SLC35A1: variants seen among roughly 807,000 people sequenced by gnomAD.
SLC35A1 encodes the protein solute carrier family 35 member A1.
Under a neutral mutation model 40.3 loss-of-function variants are expected in SLC35A1, and 21 were observed. That is an observed-to-expected ratio of 0.52 (90% confidence interval 0.37 to 0.75). The LOEUF is 0.75. Ranked by LOEUF, SLC35A1 falls within the 30% of genes least tolerant of loss-of-function variation. SLC35A1 has a pLI of 0.00. For missense variants in SLC35A1, 297 were observed against 382.1 expected, an observed-to-expected ratio of 0.78 and a Z score of 1.86; for synonymous variants, 146 against 147.3, an observed-to-expected ratio of 0.99 and a Z score of 0.06.
At chr6:87,479,288 G>A (rs1385371670) in intron 2 of SLC35A1, among the ~76,000 whole-genome samples, 1 of 152,124 alleles carries the variant, frequency 6.6e-6, no homozygotes, top group African/African-American at 2.4e-5. Context: ...AAGCTTCTCT[G>A]GATAAGGTGG....
At chr6:87,484,873 A>G (rs1769351621) in intron 2 of SLC35A1, among the ~76,000 whole-genome samples, 1 of 152,234 alleles carries the variant, frequency 6.6e-6, no homozygotes, top group Non-Finnish European at 1.5e-5. Flanking sequence ...TATCTAACAG[A>G]TGAATAAAAT....
intron 1 of SLC35A1, among the ~76,000 whole-genome samples, chr6:87,476,593 C>T (rs574144682): frequency 1.3e-5 from 2 of 151,362 alleles, no homozygotes; most frequent in Non-Finnish European, 1.5e-5. Context: ...GGTGTAGTGG[C>T]GGGTGCCTGT....
At chr6:87,494,194 A>G (rs1057295131) in intron 2 of SLC35A1, among the ~76,000 whole-genome samples, 7 of 152,016 alleles carry the variant, frequency 4.6e-5, no homozygotes, top group Non-Finnish European at 2.9e-5. Context: ...TACCATATAT[A>G]CCAGTCTGTA....
Position 87,500,655 on chromosome 6 carries a change from A to G in SLC35A1, c.342A>G (p.Ala114=). The change falls in exon 3 of 8, where the codon GCA becomes GCG. Residue 114 remains alanine, a synonymous_variant. Coordinates refer to ENST00000369552, the MANE Select transcript of SLC35A1 (RefSeq NM_006416.5). ...MAFLALSNLD[A]AVYQVTYQLK... ...TCCTAGCTCTTAGCAATCTGGATGC[A>G]GCAGTGTACCAGGTAAGTGGAGTTA... 1 of 1,614,162 alleles carries G rather than the reference A, an allele frequency of 6.2e-7. No homozygotes were observed. The highest frequency in any genetic ancestry group is 8.5e-7 in the Non-Finnish European group (1 of 1,180,000).
intron 4 of SLC35A1, among the ~76,000 whole-genome samples, chr6:87,505,297 TGATACTATTGA>T (rs1350125266): frequency 4.5e-4 from 69 of 152,316 alleles, no homozygotes; most frequent in African/African-American, 1.5e-3. Flanking sequence ...CTAATTTCAG[TGATACTATTGA>T]GATAGTATTT....
intron 2 of SLC35A1, among the ~76,000 whole-genome samples, chr6:87,481,970 C>A (rs1562018661): frequency 2.0e-5 from 3 of 152,112 alleles, no homozygotes; most frequent in Non-Finnish European, 4.4e-5. Context: ...TCCTTATTAT[C>A]CTTTTACCAA....
At chr6:87,485,493 G>A (rs1389007214) in intron 2 of SLC35A1, among the ~76,000 whole-genome samples, 3 of 152,070 alleles carry the variant, frequency 2.0e-5, no homozygotes, top group Non-Finnish European at 4.4e-5. Context: ...GGCCAGGTGT[G>A]GTGGCTCACA....
chr6:87,485,317 CTT>C (rs1395990872), intron 2 of SLC35A1, among the ~76,000 whole-genome samples: 2 of 151,040 alleles, frequency 1.3e-5, no homozygotes, highest in Non-Finnish European at 3.0e-5. Flanking sequence ...TGAAATTAGA[CTT>C]TTTTCTTTGC....
chr6:87,497,778 G>A (rs1256333584), intron 2 of SLC35A1, among the ~76,000 whole-genome samples: 6 of 152,060 alleles, frequency 3.9e-5, no homozygotes, highest in Non-Finnish European at 8.8e-5. Flanking sequence ...ACCCAGGCTG[G>A]AGTGCAGTGG....
At chr6:87,496,254 C>T (rs1214770625) in intron 2 of SLC35A1, 1 of 152,090 alleles carries the variant, frequency 6.6e-6, no homozygotes, top group Non-Finnish European at 1.5e-5. Flanking sequence ...CATGGAGCTT[C>T]AGAATTTCTT....
intron 2 of SLC35A1, among the ~76,000 whole-genome samples, chr6:87,498,723 T>C (rs1365080135): frequency 1.3e-5 from 2 of 152,074 alleles, no homozygotes; most frequent in Non-Finnish European, 2.9e-5. Flanking sequence ...TGAGCCGAGA[T>C]TGCACCATTG....
chr6:87,492,662 C>T (rs1466940024), intron 2 of SLC35A1, among the ~76,000 whole-genome samples: 1 of 151,544 alleles, frequency 6.6e-6, no homozygotes, highest in Non-Finnish European at 1.5e-5. Context: ...ATTCTCCTGC[C>T]TCAGCCTCCC....
At chr6:87,473,060 G>A (rs767293711) in intron 1 of SLC35A1, 41 bp downstream of exon 1, 6 of 481,456 alleles carry the variant, frequency 1.2e-5, no homozygotes, top group Non-Finnish European at 2.1e-5. Context: ...TCCGCGGGGG[G>A]CGGCGGCGGG....
At chr6:87,488,038 A>T (rs1333304368) in intron 2 of SLC35A1, 3 of 152,182 alleles carry the variant, frequency 2.0e-5, no homozygotes, top group Non-Finnish European at 2.9e-5. Flanking sequence ...AGTTATTATT[A>T]TTTTTGTTTT....
chr6:87,491,049 A>G (rs983386063), intron 2 of SLC35A1, among the ~76,000 whole-genome samples: 1 of 152,250 alleles, frequency 6.6e-6, no homozygotes, highest in African/African-American at 2.4e-5. Flanking sequence ...GAGGGAAACA[A>G]GCTGGTAAAT....
intron 7 of SLC35A1, 89 bp from the exon 8 acceptor site, chr6:87,511,310 A>G (rs1161804353): frequency 1.7e-5 from 24 of 1,392,850 alleles, no homozygotes; most frequent in Non-Finnish European, 2.3e-5. Context: ...GTGTAAACCC[A>G]CAATTAAGAG....
At chr6:87,478,951 G>A (rs1769168315) in intron 2 of SLC35A1, among the ~76,000 whole-genome samples, 1 of 152,164 alleles carries the variant, frequency 6.6e-6, no homozygotes, top group African/African-American at 2.4e-5. Context: ...ATTGGCTAGG[G>A]TTAGACTGCA....
At position 87,487,675 on chromosome 6, in the gene SLC35A1, C is replaced by T. The variant is rs1290880280; in HGVS notation, c.194+10136C>T. Among the ~76,000 whole-genome samples the T allele has an allele frequency of 2.0e-5, 3 of 152,174 alleles. No homozygotes were observed. In the East Asian group the frequency reaches 5.8e-4, roughly 29 times the overall value. On this transcript the variant is annotated intron_variant, in intron 2 of 7. Transcript: ENST00000369552. ...CAGACAGTGCGTCAGCCCTACAATGCTTGGGAGCCATTTAAACAAAATCAC... is the reference window on the plus strand; with the variant it reads ...CAGACAGTGCGTCAGCCCTACAATGTTTGGGAGCCATTTAAACAAAATCAC...
chr6:87,495,442 T>A (rs1240974433), intron 2 of SLC35A1, among the ~76,000 whole-genome samples: 1 of 152,224 alleles, frequency 6.6e-6, no homozygotes, highest in Non-Finnish European at 1.5e-5. Context: ...TAGTATTATC[T>A]AGAGAAATTA....
Sources: gnomAD v4.1 joint callset for allele counts (sites outside exome capture counted in the v4.1 genomes callset) on GRCh38, gnomAD v4.1.1 for gene constraint, MANE v1.5 for transcripts, NCBI Gene and HGNC (gene_info 2026-07-23, HGNC 2026-07-21) for gene names.